The following CCSER1 variants were observed in gnomAD, a reference collection of about 807,000 sequenced individuals.
CCSER1 encodes coiled-coil serine rich protein 1, also known as serine-rich coiled-coil domain-containing protein 1.
A neutral mutation model predicts 82.0 loss-of-function variants in CCSER1; 41 were observed. That is an observed-to-expected ratio of 0.50 (90% CI 0.39 to 0.65). The LOEUF (loss-of-function observed/expected upper bound fraction) is 0.65. CCSER1 is among the 30% of genes least tolerant of loss of function. CCSER1 has a pLI of 0.00. For synonymous variants in CCSER1, 414 were observed against 383.9 expected (o/e 1.08, Z -0.92); for missense variants, 1,119 against 1,064.2 (o/e 1.05, Z -0.72).
At position 91,378,822 on chromosome 4, in the gene CCSER1, T is replaced by G. The variant is rs548781171; in HGVS notation, c.2218-219750T>G. 2.8e-4 allele frequency among the ~76,000 whole-genome samples: 42 copies of G among 152,314 alleles called. 1 individual carries two copies. In the South Asian group the frequency reaches 3.1e-3, roughly 11 times the overall value. ...AGTGGTAAGAGAGGGCATCCCTGTT[T>G]TGTGCCAGTTTTCAAAGGGAATGCT... On this transcript the variant is annotated intron_variant, in intron 10 of 10. Transcript: ENST00000509176.
intron 7 of CCSER1, among the ~76,000 whole-genome samples, chr4:90,773,584 A>AT (rs1352110248): frequency 6.6e-6 from 1 of 152,164 alleles, no homozygotes; most frequent in Non-Finnish European, 1.5e-5. Context: ...CCTCTCCAGT[A>AT]TTTTTTAAGA....
intron 1 of CCSER1, among the ~76,000 whole-genome samples, chr4:90,274,143 T>C (rs1209130782): frequency 2.0e-5 from 3 of 152,156 alleles, no homozygotes; most frequent in African/African-American, 7.2e-5. Context: ...ATGTCCAAAC[T>C]CCCTGTCTGT....
intron 10 of CCSER1, among the ~76,000 whole-genome samples, chr4:91,519,251 C>T (rs959803944): frequency 2.0e-5 from 3 of 152,140 alleles, no homozygotes; most frequent in African/African-American, 7.2e-5. Context: ...CCGCTCTAGA[C>T]AGTAGTCACT....
intron 10 of CCSER1, among the ~76,000 whole-genome samples, chr4:91,154,179 G>T (rs1162115562): frequency 6.6e-6 from 1 of 152,006 alleles, no homozygotes; most frequent in African/African-American, 2.4e-5. Flanking sequence ...TTCCCTGGCT[G>T]CTTTGTTTAC....
chr4:91,503,430 ATAAAG>A (rs1206830971), intron 10 of CCSER1, among the ~76,000 whole-genome samples: 2 of 152,250 alleles, frequency 1.3e-5, no homozygotes, highest in South Asian at 2.1e-4. Context: ...AATATTAGAA[ATAAAG>A]TAAATTATTG....
intron 10 of CCSER1, among the ~76,000 whole-genome samples, chr4:91,295,879 T>C (rs1744119476): frequency 1.3e-5 from 2 of 151,922 alleles, no homozygotes; most frequent in African/African-American, 4.8e-5. Flanking sequence ...TTTGAGTATA[T>C]TTTGTATTAG....
intron 1 of CCSER1, among the ~76,000 whole-genome samples, chr4:90,283,836 T>G (rs1424987514): frequency 1.3e-5 from 2 of 152,100 alleles, no homozygotes; most frequent in African/African-American, 2.4e-5. Flanking sequence ...TTCTTTTGGA[T>G]GTACACCCAG....
rs536251816 is a variant in CCSER1, at chr4:90,209,498, C to T, written c.-42+81667C>T. Among the ~76,000 whole-genome samples, 3 of 152,210 alleles carry T rather than the reference C, an allele frequency of 2.0e-5. No individual in the cohort carries two copies. The South Asian group carries it at 6.2e-4, about 32-fold the overall frequency. The stretch of plus-strand genomic sequence containing the variant: ...TTGGAGTAGAAGTCTGGCCATGCCC[C>T]TTTTGATCTGCGTATGTCTGCACTA... On this transcript the variant is annotated intron_variant, in intron 1 of 10. Coordinates refer to ENST00000509176, the MANE Select transcript of CCSER1 (RefSeq NM_001145065.2).
intron 1 of CCSER1, among the ~76,000 whole-genome samples, chr4:90,203,032 A>C (rs1199189554): frequency 6.6e-6 from 1 of 152,224 alleles, no homozygotes; most frequent in Admixed American, 6.5e-5. Context: ...AGCAGTTTTA[A>C]AAAAGTATAA....
intron 8 of CCSER1, among the ~76,000 whole-genome samples, chr4:90,885,138 T>A (rs981870946): frequency 1.3e-5 from 2 of 151,982 alleles, no homozygotes; most frequent in Non-Finnish European, 2.9e-5. Context: ...AGTCACATAA[T>A]TTTTTTTCTC....
At chr4:90,812,796 G>A (rs1012103898) in intron 7 of CCSER1, among the ~76,000 whole-genome samples, 2 of 152,042 alleles carry the variant, frequency 1.3e-5, no homozygotes, top group African/African-American at 4.8e-5. Context: ...GAGAGAGAGA[G>A]CTTAAGGGAA....
At chr4:90,972,305 A>T (rs1412516957) in intron 9 of CCSER1, among the ~76,000 whole-genome samples, 1 of 151,862 alleles carries the variant, frequency 6.6e-6, no homozygotes, top group Non-Finnish European at 1.5e-5. Flanking sequence ...TAAAATCAAC[A>T]TTAAAAATCA....
intron 5 of CCSER1, among the ~76,000 whole-genome samples, chr4:90,554,342 C>T (rs1424143120): frequency 3.9e-5 from 6 of 152,040 alleles, no homozygotes; most frequent in Non-Finnish European, 7.4e-5. Flanking sequence ...CCAGTCCAGC[C>T]TCGGCAACAG....
chr4:90,972,920 A>G (rs552140644), intron 9 of CCSER1, among the ~76,000 whole-genome samples: 41 of 151,910 alleles, frequency 2.7e-4, no homozygotes, highest in African/African-American at 9.6e-4. Flanking sequence ...ACGAAGGAAT[A>G]GTCTCTTCAA....
At chr4:91,447,835 G>A (rs1755654357) in intron 10 of CCSER1, among the ~76,000 whole-genome samples, 1 of 152,086 alleles carries the variant, frequency 6.6e-6, no homozygotes, top group African/African-American at 2.4e-5. Context: ...TTGTCTACAT[G>A]TGTGAATCTT....
intron 10 of CCSER1, among the ~76,000 whole-genome samples, chr4:91,155,816 A>G (rs1730759891): frequency 6.6e-6 from 1 of 151,952 alleles, no homozygotes; most frequent in African/African-American, 2.4e-5. Flanking sequence ...ATCGATATAT[A>G]CAGTTTAGAA....
At chr4:90,360,851 G>C (rs1027545091) in intron 3 of CCSER1, among the ~76,000 whole-genome samples, 1 of 152,054 alleles carries the variant, frequency 6.6e-6, no homozygotes, top group African/African-American at 2.4e-5. Flanking sequence ...TATACCTTCT[G>C]ATATAAATTA....
At chr4:90,240,216 C>G (rs1436771516) in intron 1 of CCSER1, among the ~76,000 whole-genome samples, 1 of 152,116 alleles carries the variant, frequency 6.6e-6, no homozygotes, top group Non-Finnish European at 1.5e-5. Context: ...AGGACATGAG[C>G]ACCCTCCAGG....
At chr4:90,782,715 T>C (rs60986065) in intron 7 of CCSER1, among the ~76,000 whole-genome samples, 80,680 of 139,974 alleles carry the variant, frequency 0.58, 23,720 homozygotes, top group African/African-American at 0.66. Flanking sequence ...ACAGTCTAGC[T>C]CTGTCGCCCG....
Sources: allele counts gnomAD v4.1 joint callset (sites outside exome capture counted in the v4.1 genomes callset), GRCh38; gene constraint gnomAD v4.1.1; transcripts MANE v1.5; gene names NCBI Gene and HGNC (gene_info 2026-07-23, HGNC 2026-07-21).